HFM1: variants seen among roughly 807,000 people sequenced by gnomAD.
HFM1 encodes probable ATP-dependent DNA helicase HFM1.
HFM1 carries 169 observed loss-of-function variants against 192.1 expected under a neutral mutation model. That is an observed-to-expected ratio of 0.88 (90% CI 0.78 to 1.00). HFM1 has a LOEUF of 1.00. HFM1 is among the 50% of genes least tolerant of loss of function. HFM1 has a pLI of 0.00. For synonymous variants in HFM1, 525 were observed against 537.8 expected, an observed-to-expected ratio of 0.98 and a Z score of 0.33; for missense variants, 1,661 against 1,668.0, an observed-to-expected ratio of 1.00 and a Z score of 0.07.
At chr1:91,367,272 C>T (rs994974030) in intron 13 of HFM1, among the ~76,000 whole-genome samples, 1 of 152,204 alleles carries the variant, frequency 6.6e-6, no homozygotes, top group Non-Finnish European at 1.5e-5. Flanking sequence ...GTTCTCCCAG[C>T]ACGCAGCTTG....
At chr1:91,360,784 C>T (rs2101823525) in intron 13 of HFM1, among the ~76,000 whole-genome samples, 1 of 152,228 alleles carries the variant, frequency 6.6e-6, no homozygotes, top group African/African-American at 2.4e-5. Context: ...AAACTGATCA[C>T]ATAATTGGAA....
chr1:91,302,818 G>C (rs2101049278), intron 30 of HFM1, among the ~76,000 whole-genome samples: 1 of 151,736 alleles, frequency 6.6e-6, no homozygotes, highest in South Asian at 2.1e-4. Context: ...AGCATTAGGA[G>C]ATATACCTAA....
chr1:91,402,178 C>A (rs1004087279), intron 1 of HFM1, among the ~76,000 whole-genome samples: 8 of 152,086 alleles, frequency 5.3e-5, no homozygotes, highest in African/African-American at 1.9e-4. Flanking sequence ...ATACGCATTA[C>A]CAAGTCAGAT....
rs758882677 is a variant in HFM1 at position 91,262,625 on chromosome 1, G to A, written c.3975-33C>T. On this transcript the variant is annotated intron_variant, in intron 36 of 38. Transcript: ENST00000370425. ...TTAAAATTAATTATTTGTAAAATAC[G>A]GCAAACAAGAAAAACCATTTTAATT... is the stretch of plus-strand genomic sequence containing the variant. 3.5e-5 allele frequency: 45 copies of A among 1,292,444 alleles called. No homozygotes were observed. In the South Asian group the frequency reaches 3.6e-4, roughly 10 times the overall value. The allele number at this position is 1,292,444 out of a possible 1,614,324, so 80.1% of individuals were successfully genotyped here.
chr1:91,398,919 C>T (rs772191740), intron 2 of HFM1, among the ~76,000 whole-genome samples: 1 of 152,106 alleles, frequency 6.6e-6, no homozygotes, highest in African/African-American at 2.4e-5. Flanking sequence ...TCTCAAACTC[C>T]GGGACTCAAG....
upstream of HFM1, among the ~76,000 whole-genome samples, chr1:91,406,843 C>T (rs959093485): frequency 1.3e-5 from 2 of 152,102 alleles, no homozygotes; most frequent in African/African-American, 2.4e-5. Flanking sequence ...AAAGAAGAAA[C>T]ATCTTTTCAA....
intron 2 of HFM1, among the ~76,000 whole-genome samples, chr1:91,396,975 C>T (rs962608754): frequency 3.3e-5 from 5 of 152,116 alleles, no homozygotes; most frequent in South Asian, 2.1e-4. Context: ...CACAGGAGTG[C>T]GAGCCCTATC....
chr1:91,393,609 C>A (rs959357276), intron 4 of HFM1, among the ~76,000 whole-genome samples: 1 of 152,048 alleles, frequency 6.6e-6, no homozygotes, highest in African/African-American at 2.4e-5. Context: ...TTCCTGATAC[C>A]ACTGTCCTAG....
At chr1:91,326,851 G>T (rs1205562724) in intron 20 of HFM1, among the ~76,000 whole-genome samples, 2 of 152,100 alleles carry the variant, frequency 1.3e-5, no homozygotes, top group African/African-American at 2.4e-5. Flanking sequence ...ACAAGAAAAA[G>T]GTAAAAAGCA....
Position 91,401,039 on chromosome 1 carries a change from A to C in HFM1, c.44T>G (p.Phe15Cys). 1.9e-6 allele frequency: 3 copies of C among 1,557,386 alleles called. No homozygotes were observed. Among genetic ancestry groups the C allele is most frequent in the Non-Finnish European group, 2.6e-6 (3 of 1,153,792 alleles). ...TTCAACTTCATCTGGTTTTTCAAAAAACAAATTTTCCAAAGAAAACAGGCA... is the reference window on the plus strand; with the variant it reads ...TTCAACTTCATCTGGTTTTTCAAAACACAAATTTTCCAAAGAAAACAGGCA... ...NDCLFSLENL[F>C]FEKPDEVENH... The change falls in exon 2 of 39, where the codon TTT becomes TGT. Residue 15 changes from phenylalanine (F) to cysteine (C), a missense_variant. Transcript: ENST00000370425.
chr1:91,269,504 G>T lies in HFM1; in HGVS notation c.3773-1649C>A, dbSNP rs191039180. On this transcript the variant is annotated intron_variant, in intron 34 of 38. Transcript: ENST00000370425. Reference sequence around the variant, plus strand: ...ATATCTTCTATGAATTTCTTCACCTGTCCAAACCCTTCCTTATTCTTCAAC... The same window carrying T: ...ATATCTTCTATGAATTTCTTCACCTTTCCAAACCCTTCCTTATTCTTCAAC... Among the ~76,000 whole-genome samples, 367 of 152,110 alleles carry T rather than the reference G, an allele frequency of 2.4e-3. 8 individuals are homozygous for T. Among genetic ancestry groups the T allele is most frequent in the Non-Finnish European group, 7.1e-4 (48 of 67,982 alleles).
intron 13 of HFM1, among the ~76,000 whole-genome samples, chr1:91,361,408 G>C (rs1658501096): frequency 6.6e-6 from 1 of 152,118 alleles, no homozygotes; most frequent in Middle Eastern, 3.2e-3. Context: ...ACAACCATCA[G>C]AGAATACTGT....
At chr1:91,287,267 C>T (rs924463647) in intron 30 of HFM1, among the ~76,000 whole-genome samples, 20 of 152,220 alleles carry the variant, frequency 1.3e-4, no homozygotes, top group Admixed American at 7.9e-4. Flanking sequence ...CCCTGTCTGA[C>T]AGCTTTGAAG....
intron 11 of HFM1, 49 bp downstream of exon 11, chr1:91,377,976 T>C: frequency 6.6e-7 from 1 of 1,520,472 alleles, no homozygotes; most frequent in Non-Finnish European, 9.1e-7. Flanking sequence ...TGACTAAATA[T>C]TTCACAAGTC....
chr1:91,398,756 G>A (rs572391732), intron 2 of HFM1, among the ~76,000 whole-genome samples: 78 of 151,566 alleles, frequency 5.1e-4, no homozygotes, highest in Non-Finnish European at 9.4e-4. Context: ...GCAGTGGCCA[G>A]ATCTCAGATC....
intron 2 of HFM1, among the ~76,000 whole-genome samples, chr1:91,400,623 A>G (rs929235931): frequency 6.6e-6 from 1 of 152,052 alleles, no homozygotes; most frequent in African/African-American, 2.4e-5. Context: ...CTGGGATTAG[A>G]GGCATGCGCC....
At chr1:91,390,415 G>A (rs1400098570) in intron 4 of HFM1, among the ~76,000 whole-genome samples, 13 of 126,602 alleles carry the variant, frequency 1.0e-4, no homozygotes, top group Admixed American at 1.8e-4. Flanking sequence ...AAGCCTGGGT[G>A]ACAGAGTAAG....
At chr1:91,293,877 T>G (rs1176331675) in intron 30 of HFM1, among the ~76,000 whole-genome samples, 3 of 150,358 alleles carry the variant, frequency 2.0e-5, no homozygotes, top group Non-Finnish European at 3.0e-5. Flanking sequence ...CCATAAAAAA[T>G]GATGAGTTCA....
At chr1:91,287,139 C>T (rs943056058) in intron 30 of HFM1, among the ~76,000 whole-genome samples, 4 of 152,202 alleles carry the variant, frequency 2.6e-5, no homozygotes, top group South Asian at 2.1e-4. Context: ...CCGGGAAGCT[C>T]GAACTGGGTG....
Sources: allele counts gnomAD v4.1 joint callset (sites outside exome capture counted in the v4.1 genomes callset), GRCh38; gene constraint gnomAD v4.1.1; transcripts MANE v1.5; gene names NCBI Gene and HGNC (gene_info 2026-07-23, HGNC 2026-07-21).